MALRD1: variants seen among roughly 807,000 people sequenced by gnomAD.
MALRD1 encodes the protein MAM and LDL receptor class A domain containing 1.
A neutral mutation model predicts 242.1 loss-of-function variants in MALRD1; 247 were observed. That is an observed-to-expected ratio of 1.02 (90% CI 0.92 to 1.13). MALRD1 has a LOEUF of 1.13. Ranked by LOEUF, MALRD1 falls within the 50% of genes most tolerant of loss-of-function variation. MALRD1 has a pLI of 0.00. For synonymous variants in MALRD1, 995 were observed against 866.6 expected (o/e 1.15, Z -2.60); for missense variants, 2,989 against 2,533.1 (o/e 1.18, Z -3.86).
chr10:19,252,352 A>T (rs1839330017), intron 18 of MALRD1, among the ~76,000 whole-genome samples: 1 of 152,048 alleles, frequency 6.6e-6, no homozygotes, highest in Admixed American at 6.6e-5. Context: ...AAATGGTGAG[A>T]TAGTCAAGGA....
chr10:19,417,526 C>T (rs1352730687), intron 28 of MALRD1, among the ~76,000 whole-genome samples: 1 of 152,102 alleles, frequency 6.6e-6, no homozygotes, highest in East Asian at 1.9e-4. Context: ...TATGGCAAGA[C>T]AAACCCTGTG....
intron 36 of MALRD1, 48 bp downstream of exon 36, chr10:19,615,971 CT>C: frequency 1.4e-6 from 2 of 1,394,176 alleles, no homozygotes; most frequent in Non-Finnish European, 9.7e-7. Flanking sequence ...TTGGAGTTGG[CT>C]TACTTATTTT....
intron 38 of MALRD1, among the ~76,000 whole-genome samples, chr10:19,699,277 AGAAAGGAGGGAAAGGAGGGAAAGGAGG>A (rs71388858): frequency 1.4e-5 from 2 of 144,464 alleles, no homozygotes; most frequent in African/African-American, 5.4e-5. Context: ...TGTACTGTGG[AGAAAGGAGGGAAAGGAGGGAAAGGAGG>A]GAAAGGAGGG....
intron 14 of MALRD1, among the ~76,000 whole-genome samples, chr10:19,197,080 G>C (rs1318044434): frequency 6.6e-6 from 1 of 152,052 alleles, no homozygotes; most frequent in African/African-American, 2.4e-5. Context: ...GGGAAGCAAG[G>C]CACGTCTTAT....
chr10:19,366,737 T>C (rs985769622), intron 26 of MALRD1, among the ~76,000 whole-genome samples: 3 of 152,146 alleles, frequency 2.0e-5, no homozygotes, highest in Non-Finnish European at 2.9e-5. Flanking sequence ...AAAATGTATA[T>C]ACACATCTCC....
intron 33 of MALRD1, among the ~76,000 whole-genome samples, chr10:19,585,577 G>A (rs984373722): frequency 1.3e-5 from 2 of 152,132 alleles, no homozygotes; most frequent in African/African-American, 4.8e-5. Flanking sequence ...GGCTTGTAGA[G>A]TTTCTGCTGA....
At chr10:19,211,496 C>A (rs1837065036) in intron 18 of MALRD1, among the ~76,000 whole-genome samples, 1 of 151,658 alleles carries the variant, frequency 6.6e-6, no homozygotes, top group Non-Finnish European at 1.5e-5. Flanking sequence ...AGATCAAGAC[C>A]AGCCTGGGCA....
chr10:19,346,181 G>T (rs1420033083), intron 24 of MALRD1, among the ~76,000 whole-genome samples: 1 of 152,114 alleles, frequency 6.6e-6, no homozygotes, highest in Non-Finnish European at 1.5e-5. Flanking sequence ...ATAACTATAA[G>T]AATGTATCTA....
At chr10:19,228,886 G>T (rs775898507) in intron 18 of MALRD1, among the ~76,000 whole-genome samples, 63 of 151,696 alleles carry the variant, frequency 4.2e-4, no homozygotes, top group Non-Finnish European at 6.6e-4. Flanking sequence ...AACATTTTTG[G>T]TAAGTCTTTA....
At chr10:19,730,529 T>C (rs1417259791) in intron 38 of MALRD1, 177 bp from the exon 39 acceptor site, 8 of 700,984 alleles carry the variant, frequency 1.1e-5, no homozygotes, top group East Asian at 8.4e-5. Context: ...GTTGCCTTGG[T>C]GTCCTGCAAA....
intron 33 of MALRD1, among the ~76,000 whole-genome samples, chr10:19,590,171 G>A (rs1249184773): frequency 6.6e-6 from 1 of 151,638 alleles, no homozygotes. Flanking sequence ...GGAGAAATTA[G>A]AACATAGAAA....
At chr10:19,162,164 C>T (rs1311991082) in intron 12 of MALRD1, among the ~76,000 whole-genome samples, 1 of 152,108 alleles carries the variant, frequency 6.6e-6, no homozygotes, top group Non-Finnish European at 1.5e-5. Flanking sequence ...TGTAGTTATG[C>T]TCATTATAAT....
At chr10:19,219,495 G>A (rs565077174) in intron 18 of MALRD1, among the ~76,000 whole-genome samples, 17 of 151,936 alleles carry the variant, frequency 1.1e-4, no homozygotes, top group Admixed American at 5.9e-4. Context: ...GGAGTTCAGC[G>A]CCATGTTCAT....
intron 33 of MALRD1, among the ~76,000 whole-genome samples, chr10:19,580,202 G>A (rs1837042985): frequency 6.6e-6 from 1 of 152,078 alleles, no homozygotes; most frequent in African/African-American, 2.4e-5. Context: ...ATTATTGGGG[G>A]TTATACGAAG....
intron 13 of MALRD1, among the ~76,000 whole-genome samples, chr10:19,168,539 A>C (rs2131514497): frequency 6.6e-6 from 1 of 152,336 alleles, no homozygotes; most frequent in Admixed American, 6.5e-5. Context: ...TGGACCCATC[A>C]ACATTACTGA....
At chr10:19,117,133 G>A (rs1457743056) in intron 5 of MALRD1, among the ~76,000 whole-genome samples, 1 of 151,362 alleles carries the variant, frequency 6.6e-6, no homozygotes, top group East Asian at 1.9e-4. Context: ...AGTGAGAGGA[G>A]AGAGGGAAGA....
chr10:19,327,157 T>C (rs1843167681), intron 22 of MALRD1, among the ~76,000 whole-genome samples: 1 of 152,134 alleles, frequency 6.6e-6, no homozygotes, highest in African/African-American at 2.4e-5. Flanking sequence ...TCTGGAACCA[T>C]CTAATGAGAA....
intron 32 of MALRD1, among the ~76,000 whole-genome samples, chr10:19,561,904 G>A (rs1270310862): frequency 1.3e-5 from 2 of 152,116 alleles, no homozygotes; most frequent in African/African-American, 4.8e-5. Context: ...TTAAGGGCAG[G>A]CCTCACTGAC....
chr10:19,239,105 C>T (rs1450199292), intron 18 of MALRD1, among the ~76,000 whole-genome samples: 1 of 150,022 alleles, frequency 6.7e-6, no homozygotes. Context: ...GTTGCCCAAG[C>T]TGGAGTGCAG....
Sources: allele counts gnomAD v4.1 joint callset (sites outside exome capture counted in the v4.1 genomes callset), GRCh38; gene constraint gnomAD v4.1.1; transcripts MANE v1.5; gene names NCBI Gene and HGNC (gene_info 2026-07-23, HGNC 2026-07-21).